AFG1L: variants seen among roughly 807,000 people sequenced by gnomAD.
The protein encoded by AFG1L is AFG1-like ATPase.
AFG1L carries 53 observed loss-of-function variants against 62.2 expected under a neutral mutation model. That is an observed-to-expected ratio of 0.85 (90% CI 0.68 to 1.07). The LOEUF is 1.07. Among genes scored for constraint, AFG1L ranks in the 50% least tolerant of loss-of-function variants. The pLI, the probability that AFG1L is intolerant of heterozygous loss-of-function variation, is 0.00. For synonymous variants in AFG1L, 228 were observed against 210.3 expected (o/e 1.08, Z -0.73); for missense variants, 555 against 590.5 (o/e 0.94, Z 0.62).
At chr6:108,492,416 G>C (rs956353885) in intron 10 of AFG1L, among the ~76,000 whole-genome samples, 7 of 152,068 alleles carry the variant, frequency 4.6e-5, no homozygotes, top group Admixed American at 2.6e-4. Context: ...AATAATGCTG[G>C]TACTAATTAC....
chr6:108,333,110 C>T (rs923216225), intron 2 of AFG1L, among the ~76,000 whole-genome samples: 2 of 151,878 alleles, frequency 1.3e-5, no homozygotes, highest in Non-Finnish European at 1.5e-5. Flanking sequence ...GATTTTTCAT[C>T]AAAAATAATT....
At chr6:108,348,220 A>G in intron 3 of AFG1L, among the ~76,000 whole-genome samples, 1 of 152,142 alleles carries the variant, frequency 6.6e-6, no homozygotes, top group Non-Finnish European at 1.5e-5. Flanking sequence ...CTGGGACGAC[A>G]GGTGTCTGCC....
chr6:108,519,829 ATC>A lies in AFG1L; in HGVS notation c.1317+23_1317+24del, dbSNP rs762631286. The A allele has an allele frequency of 3.4e-6, 5 of 1,456,370 alleles. No homozygotes were observed. The South Asian group carries it at 6.0e-5, about 18-fold the overall frequency. The allele number at this position is 1,456,370 out of a possible 1,614,324, so 90.2% of individuals were successfully genotyped here. A position where few individuals can be genotyped will look rare whatever the true frequency, so the allele number is the denominator to read the frequency against. Reference sequence around the variant, plus strand: ...GAGCCAGGTAGGCGATATTAACATAATCTCTTTTTATTATAAAACAGCTTAAT... The same window carrying A: ...GAGCCAGGTAGGCGATATTAACATAATCTTTTTATTATAAAACAGCTTAAT... On this transcript the variant is annotated intron_variant, in intron 12 of 12. Transcript: ENST00000368977.
intron 5 of AFG1L, among the ~76,000 whole-genome samples, chr6:108,360,558 T>C (rs957709015): frequency 1.3e-5 from 2 of 152,208 alleles, no homozygotes; most frequent in African/African-American, 2.4e-5. Flanking sequence ...AAAATGTTAA[T>C]AGTCTTGCTC....
At chr6:108,394,454 G>T (rs986107902) in intron 6 of AFG1L, among the ~76,000 whole-genome samples, 2 of 130,532 alleles carry the variant, frequency 1.5e-5, no homozygotes, top group Non-Finnish European at 3.6e-5. Flanking sequence ...CGGCCTTGCC[G>T]TTTTTTTTAT....
intron 6 of AFG1L, among the ~76,000 whole-genome samples, chr6:108,367,846 T>C (rs1779822497): frequency 6.6e-6 from 1 of 152,216 alleles, no homozygotes; most frequent in Admixed American, 6.6e-5. Context: ...TTACTTCTGT[T>C]AAGTGCTGCT....
chr6:108,300,380 G>A (rs1158469014), intron 1 of AFG1L, among the ~76,000 whole-genome samples: 2 of 152,178 alleles, frequency 1.3e-5, no homozygotes, highest in African/African-American at 2.4e-5. Context: ...TGGAACTCCT[G>A]ACCTCAGGTG....
intron 10 of AFG1L, among the ~76,000 whole-genome samples, chr6:108,487,963 A>G (rs1260582602): frequency 6.6e-6 from 1 of 151,938 alleles, no homozygotes; most frequent in Non-Finnish European, 1.5e-5. Flanking sequence ...TACCTAGAGT[A>G]ATGTTTTAGG....
At chr6:108,393,730 A>T (rs1192416053) in intron 6 of AFG1L, among the ~76,000 whole-genome samples, 1 of 152,232 alleles carries the variant, frequency 6.6e-6, no homozygotes, top group Non-Finnish European at 1.5e-5. Context: ...ACCTTAACAT[A>T]GATGAACTTT....
At position 108,510,089 on chromosome 6, in the gene AFG1L, G is replaced by A. The variant is rs555539578; in HGVS notation, c.1063-123G>A. 4 of 678,768 alleles carry A rather than the reference G, an allele frequency of 5.9e-6. No homozygotes were observed. The South Asian group carries it at 8.3e-5, about 14-fold the overall frequency. The allele number at this position is 678,768 out of a possible 1,614,324, so 42.0% of individuals were successfully genotyped here. A position where few individuals can be genotyped will look rare whatever the true frequency, so the allele number is the denominator to read the frequency against. Reference sequence around the variant, plus strand: ...AACTGCCTATGGGTAACTTGGTCAAGTTACCCACAGCTACCACCTAGATCA... The same window carrying A: ...AACTGCCTATGGGTAACTTGGTCAAATTACCCACAGCTACCACCTAGATCA... On this transcript the variant is annotated intron_variant, in intron 10 of 12. Transcript: ENST00000368977.
At chr6:108,405,502 A>C (rs920724139) in intron 7 of AFG1L, among the ~76,000 whole-genome samples, 1 of 152,116 alleles carries the variant, frequency 6.6e-6, no homozygotes, top group Non-Finnish European at 1.5e-5. Context: ...GTATTCCACC[A>C]TGCCCAGCTA....
At chr6:108,319,042 C>T (rs548562414) in intron 1 of AFG1L, among the ~76,000 whole-genome samples, 1 of 152,216 alleles carries the variant, frequency 6.6e-6, no homozygotes, top group South Asian at 2.1e-4. Flanking sequence ...TGAATTTATG[C>T]CTCATCTTCA....
chr6:108,521,316 T>A (rs1027637235), intron 12 of AFG1L: 2 of 152,110 alleles, frequency 1.3e-5, no homozygotes, highest in African/African-American at 4.8e-5. Flanking sequence ...GAAACACCCA[T>A]TTCTACAAAA....
chr6:108,453,852 A>C (rs1436565390), intron 8 of AFG1L, among the ~76,000 whole-genome samples: 1 of 152,308 alleles, frequency 6.6e-6, no homozygotes, highest in East Asian at 1.9e-4. Flanking sequence ...TGGAATCTGC[A>C]GTTTCAGTCT....
rs1434406739 is a variant in AFG1L, at chr6:108,366,560, G to GT, written c.748+235dup. 6.2e-4 allele frequency among the ~76,000 whole-genome samples: 44 copies of GT among 71,398 alleles called. 1 individual carries two copies. The highest frequency in any genetic ancestry group is 1.0e-3 in the South Asian group (3 of 3,000). The allele number at this position is 71,398 out of a possible 152,430, so 46.8% of individuals were successfully genotyped here. A position where few individuals can be genotyped will look rare whatever the true frequency, so the allele number is the denominator to read the frequency against. ...GATTCCCATGTTTGGTGCACTTGCT[G>GT]TTTTTTTGTTTTTTTTTTTCCCTAA... On this transcript the variant is annotated intron_variant, in intron 6 of 12. Transcript: ENST00000368977.
At chr6:108,375,977 T>A (rs1780227083) in intron 6 of AFG1L, among the ~76,000 whole-genome samples, 1 of 152,132 alleles carries the variant, frequency 6.6e-6, no homozygotes, top group South Asian at 2.1e-4. Flanking sequence ...TAATTATTGA[T>A]TCAATTTTGG....
intron 1 of AFG1L, among the ~76,000 whole-genome samples, chr6:108,316,012 A>C (rs1339693268): frequency 1.3e-5 from 2 of 152,074 alleles, no homozygotes; most frequent in East Asian, 3.9e-4. Context: ...ATGCCACTGC[A>C]CTCCAGCATA....
chr6:108,505,988 T>TG (rs1202731552), intron 10 of AFG1L, among the ~76,000 whole-genome samples: 1 of 152,114 alleles, frequency 6.6e-6, no homozygotes, highest in African/African-American at 2.4e-5. Flanking sequence ...CATGCTTACA[T>TG]GGGGAAAAAT....
At chr6:108,374,688 AT>A (rs1410815467) in intron 6 of AFG1L, among the ~76,000 whole-genome samples, 1 of 152,072 alleles carries the variant, frequency 6.6e-6, no homozygotes, top group Non-Finnish European at 1.5e-5. Context: ...CCATTGGTCT[AT>A]ATGTCTGTTT....
Sources: gnomAD v4.1 joint callset for allele counts (sites outside exome capture counted in the v4.1 genomes callset) on GRCh38, gnomAD v4.1.1 for gene constraint, MANE v1.5 for transcripts, NCBI Gene and HGNC (gene_info 2026-07-23, HGNC 2026-07-21) for gene names.